LAMB4: variants seen among roughly 807,000 people sequenced by gnomAD.
LAMB4 encodes laminin subunit beta 4, also known as laminin subunit beta-4.
Under a neutral mutation model 199.2 loss-of-function variants are expected in LAMB4, and 196 were observed. The observed-to-expected ratio is 0.98, with a 90% confidence interval of 0.88 to 1.11. The LOEUF (loss-of-function observed/expected upper bound fraction) is 1.11, where lower values mean the gene tolerates loss of function less well. Ranked by LOEUF, LAMB4 falls within the 50% of genes least tolerant of loss-of-function variation. LAMB4 has a pLI of 0.00. For missense variants in LAMB4, 2,080 were observed against 2,171.2 expected (o/e 0.96, Z 0.83); for synonymous variants, 744 against 770.6 (o/e 0.97, Z 0.57).
chr7:108,126,146 C>A (rs1355822839), intron 1 of LAMB4, among the ~76,000 whole-genome samples: 2 of 152,132 alleles, frequency 1.3e-5, no homozygotes, highest in Non-Finnish European at 2.9e-5. Context: ...AGGCCACAGC[C>A]CTGAATGCAA....
chr7:108,052,806 CCTT>C (rs1262216670), intron 25 of LAMB4, among the ~76,000 whole-genome samples: 1 of 152,052 alleles, frequency 6.6e-6, no homozygotes, highest in Non-Finnish European at 1.5e-5. Context: ...TTTTCCATCA[CCTT>C]CTTCTTTGAT....
rs774965544 is a variant in LAMB4 at position 108,047,977 on chromosome 7, G to A, written c.4257C>T (p.Leu1419=). 1 of 1,614,106 alleles carries A rather than the reference G, an allele frequency of 6.2e-7. No individual in the cohort carries two copies. Among genetic ancestry groups the A allele is most frequent in the South Asian group, 1.1e-5 (1 of 91,080 alleles). Residue 1419 remains leucine, a synonymous_variant, in exon 28 of 34, where the codon CTC becomes CTT. Transcript: ENST00000388781. ...TGGATTTTGCTTCCTGGGCTTTTTG[G>A]AGGGCATTCGTTGAGAGGGTCAGGG... ...HGSLTLSTNA[L]QKAQEAKSII...
chr7:108,130,009 G>C (rs1389049583), intron 1 of LAMB4, among the ~76,000 whole-genome samples: 2 of 152,176 alleles, frequency 1.3e-5, no homozygotes, highest in Non-Finnish European at 2.9e-5. Flanking sequence ...ACACAATACA[G>C]TTGTACATTT....
At chr7:108,046,943 A>T (rs1161185807) in intron 28 of LAMB4, among the ~76,000 whole-genome samples, 1 of 151,480 alleles carries the variant, frequency 6.6e-6, no homozygotes, top group African/African-American at 2.4e-5. Flanking sequence ...ATTATTTTAA[A>T]TAAAGTAGAG....
intron 5 of LAMB4, among the ~76,000 whole-genome samples, chr7:108,108,827 T>C (rs2038116133): frequency 6.6e-6 from 1 of 152,150 alleles, no homozygotes; most frequent in Non-Finnish European, 1.5e-5. Flanking sequence ...TTCTTTCCCC[T>C]TGATTACAAC....
chr7:108,093,568 C>T (rs540382764), intron 12 of LAMB4, among the ~76,000 whole-genome samples: 340 of 152,286 alleles, frequency 2.2e-3, no homozygotes, highest in Middle Eastern at 3.4e-3. Flanking sequence ...ATGAGAGAGT[C>T]AACTCTATTG....
chr7:108,015,004 G>A, the LAMB4 span, among the ~76,000 whole-genome samples: 16 of 152,130 alleles, frequency 1.1e-4, no homozygotes, highest in South Asian at 2.1e-3. Flanking sequence ...TTACAGATGT[G>A]AGCCACTGCG....
At chr7:108,058,128 G>C (rs76087120) in intron 23 of LAMB4, among the ~76,000 whole-genome samples, 200 bp from the exon 24 acceptor site, 190 of 152,300 alleles carry the variant, frequency 1.2e-3, no homozygotes, top group African/African-American at 4.5e-3. Context: ...TAAAGCTCCT[G>C]AATATATCGC....
At chr7:108,090,081 C>T (rs906631600) in intron 14 of LAMB4, among the ~76,000 whole-genome samples, 9 of 152,120 alleles carry the variant, frequency 5.9e-5, no homozygotes, top group African/African-American at 2.2e-4. Flanking sequence ...GTTTTTTCCT[C>T]ATCTGGGAAT....
intron 5 of LAMB4, among the ~76,000 whole-genome samples, chr7:108,108,493 A>T (rs919634206): frequency 6.6e-6 from 1 of 152,178 alleles, no homozygotes; most frequent in Non-Finnish European, 1.5e-5. Flanking sequence ...CATGAAATTT[A>T]TCCTGGTTCC....
chr7:108,023,971 C>T lies in LAMB4; in HGVS notation c.*68G>A. The T allele has an allele frequency of 7.2e-7, 1 of 1,380,218 alleles. No homozygotes were observed. Among genetic ancestry groups the T allele is most frequent in the Non-Finnish European group, 9.8e-7 (1 of 1,022,410 alleles). The allele number at this position is 1,380,218 out of a possible 1,614,324, so 85.5% of individuals were successfully genotyped here. The stretch of plus-strand genomic sequence containing the variant: ...CATTGTCAGTATTTCACAGGTTCAA[C>T]AGAGCCCCAGGGGCTTGTACATCAG... On this transcript the variant is annotated 3_prime_UTR_variant, in exon 34 of 34. Transcript: ENST00000388781.
In LAMB4 at chr7:108,098,536, C is replaced by G. The variant is rs140322463; in HGVS notation, c.1227G>C (p.Val409=). The G allele has an allele frequency of 5.0e-5, 80 of 1,613,068 alleles. No individual in the cohort carries two copies. In the African/African-American group the frequency reaches 9.6e-4, roughly 19 times the overall value. The change falls in exon 11 of 34, where the codon GTG becomes GTC. Residue 409 remains valine (V), a synonymous_variant. Transcript: ENST00000388781. ...ACCCTAAGGCAGGATCAGAGTGGCTCACACAAATGCCACCAGATATGGTCC... is the reference window on the plus strand; with the variant it reads ...ACCCTAAGGCAGGATCAGAGTGGCTGACACAAATGCCACCAGATATGGTCC... The part of the protein sequence containing the change: ...PDGTISGGIC[V]SHSDPALGSV...
rs751258596 is a variant in LAMB4 at position 108,116,117 on chromosome 7, C to T, written c.79G>A (p.Ala27Thr). Residue 27 changes from alanine to threonine, a missense_variant, in exon 3 of 34, where the codon GCC becomes ACC. By Grantham distance (58) the Ala-to-Thr change is moderately conservative (BLOSUM62 0). Coordinates refer to ENST00000388781, the MANE Select transcript of LAMB4 (RefSeq NM_007356.3). ...AGATCACCAGTGGTGGGATGACAGG[C>T]ACCCCTGTTGCAGTCATCTTGAGCT... is the stretch of plus-strand genomic sequence containing the variant. ...SKAQDDCNRGACHPTTGDLLV... is the reference protein window; with the variant it reads ...SKAQDDCNRGTCHPTTGDLLV... 1.5e-5 allele frequency: 24 copies of T among 1,613,882 alleles called. No individual in the cohort carries two copies. The highest frequency in any genetic ancestry group is 2.0e-5 in the Non-Finnish European group (24 of 1,179,906).
chr7:108,107,699 C>A lies in LAMB4; in HGVS notation c.523G>T (p.Ala175Ser). Reference protein sequence around the residue: ...TSFPNITSGQAQGVGDIVCDS... With the variant: ...TSFPNITSGQSQGVGDIVCDS... The stretch of plus-strand genomic sequence containing the variant: ...CAAACAATGTCTCCCACTCCCTGGG[C>A]CTGGCCAGATGTGATGTTAGGAAAG... The change falls in exon 6 of 34, where the codon GCC (alanine) becomes TCC (serine). Residue 175 changes from alanine (A) to serine (S), a missense_variant. Ala to Ser is a moderately conservative substitution (Grantham distance 99). Coordinates refer to ENST00000388781, the MANE Select transcript of LAMB4 (RefSeq NM_007356.3). 5.6e-6 allele frequency: 9 copies of A among 1,613,802 alleles called. No homozygotes were observed. Among genetic ancestry groups the A allele is most frequent in the Non-Finnish European group, 7.6e-6 (9 of 1,179,932 alleles).
chr7:108,128,501 T>TG (rs2038873588), intron 1 of LAMB4, among the ~76,000 whole-genome samples: 1 of 152,196 alleles, frequency 6.6e-6, no homozygotes, highest in African/African-American at 2.4e-5. Context: ...CCCTTAGCTA[T>TG]GGGCCTTATC....
At chr7:108,129,797 G>C (rs535583544) in intron 1 of LAMB4, among the ~76,000 whole-genome samples, 1 of 152,288 alleles carries the variant, frequency 6.6e-6, no homozygotes, top group South Asian at 2.1e-4. Context: ...CCAGAGGGCT[G>C]GGATTACAGG....
At chr7:108,116,266 G>A in intron 2 of LAMB4, 105 bp from the exon 3 acceptor site, 2 of 1,082,322 alleles carry the variant, frequency 1.8e-6, no homozygotes, top group Non-Finnish European at 2.6e-6. Context: ...ATTTAATATT[G>A]GCCAAAGATG....
intron 14 of LAMB4, 135 bp from the exon 15 acceptor site, chr7:108,079,921 A>G (rs1167301917): frequency 1.6e-6 from 1 of 620,666 alleles, no homozygotes; most frequent in Non-Finnish European, 2.7e-6. Flanking sequence ...CAGATAAATT[A>G]TTCTAAGCAG....
the LAMB4 span, among the ~76,000 whole-genome samples, chr7:108,013,565 T>A: frequency 1.7e-3 from 262 of 152,294 alleles, 9 homozygotes; most frequent in East Asian, 0.046. Flanking sequence ...GTGGCGATCA[T>A]ATAATGGTAA....
Sources: gnomAD v4.1 joint callset for allele counts (sites outside exome capture counted in the v4.1 genomes callset) on GRCh38, gnomAD v4.1.1 for gene constraint, MANE v1.5 for transcripts, NCBI Gene and HGNC (gene_info 2026-07-23, HGNC 2026-07-21) for gene names.